DPYD: variants seen among roughly 807,000 people sequenced by gnomAD.
DPYD encodes dihydropyrimidine dehydrogenase [NADP(+)].
In DPYD, 109 loss-of-function variants were observed where a neutral mutation model predicts 116.2. The observed-to-expected ratio is 0.94, with a 90% CI of 0.80 to 1.10. DPYD has a LOEUF of 1.10. Ranked by LOEUF, DPYD falls within the 50% of genes least tolerant of loss-of-function variation. The pLI is 0.00. For missense variants in DPYD, 1,302 were observed against 1,254.5 expected, an observed-to-expected ratio of 1.04 and a Z score of -0.57; for synonymous variants, 440 against 432.0, an observed-to-expected ratio of 1.02 and a Z score of -0.23.
intron 19 of DPYD, among the ~76,000 whole-genome samples, chr1:97,213,745 C>T (rs1660194783): frequency 6.6e-6 from 1 of 152,138 alleles, no homozygotes; most frequent in Non-Finnish European, 1.5e-5. Context: ...AATTGTTTGA[C>T]CATAAGGACC....
chr1:97,525,340 T>C (rs1201118415), intron 12 of DPYD, among the ~76,000 whole-genome samples: 1 of 152,006 alleles, frequency 6.6e-6, no homozygotes, highest in Non-Finnish European at 1.5e-5. Flanking sequence ...ATACAAATTA[T>C]ATTGCAGTAT....
At chr1:97,314,625 A>G (rs1667709228) in intron 16 of DPYD, among the ~76,000 whole-genome samples, 1 of 151,200 alleles carries the variant, frequency 6.6e-6, no homozygotes, top group African/African-American at 2.4e-5. Flanking sequence ...CCTCTCCACC[A>G]GCTCACTTCT....
rs149550872 is a variant in DPYD, at chr1:97,660,301, C to T, written c.850+18794G>A. ...AATTTTGTAGGTTTCCTAGAATATC[C>T]ATTTGATAAATAATCACTAATTTCA... On this transcript the variant is annotated intron_variant, in intron 8 of 22. Coordinates refer to ENST00000370192, the MANE Select transcript of DPYD (RefSeq NM_000110.4). Among the ~76,000 whole-genome samples, 409 of 152,004 alleles carry T rather than the reference C, an allele frequency of 2.7e-3. 2 individuals carry two copies. The highest frequency in any genetic ancestry group is 9.4e-3 in the African/African-American group (389 of 41,470).
intron 1 of DPYD, among the ~76,000 whole-genome samples, chr1:97,893,562 G>A (rs1672891360): frequency 6.7e-6 from 1 of 149,306 alleles, no homozygotes; most frequent in Non-Finnish European, 1.5e-5. Context: ...TTCCTTCCCA[G>A]GAAGGGCATG....
At chr1:97,704,538 T>C (rs1488679109) in intron 5 of DPYD, among the ~76,000 whole-genome samples, 1 of 151,984 alleles carries the variant, frequency 6.6e-6, no homozygotes, top group African/African-American at 2.4e-5. Flanking sequence ...TTTTCAAAAA[T>C]AATATTTTTC....
intron 20 of DPYD, among the ~76,000 whole-genome samples, chr1:97,136,184 G>T (rs982072522): frequency 6.6e-6 from 1 of 152,090 alleles, no homozygotes; most frequent in African/African-American, 2.4e-5. Flanking sequence ...AATTTTAAAG[G>T]TTGGAAATCC....
intron 21 of DPYD, among the ~76,000 whole-genome samples, chr1:97,096,760 C>A (rs917573512): frequency 1.3e-5 from 2 of 152,180 alleles, no homozygotes; most frequent in Middle Eastern, 3.4e-3. Flanking sequence ...TGGGAGGGGA[C>A]AATAAGGGAA....
intron 1 of DPYD, among the ~76,000 whole-genome samples, chr1:97,890,884 C>A (rs952056045): frequency 2.0e-5 from 3 of 151,890 alleles, no homozygotes; most frequent in Non-Finnish European, 4.4e-5. Context: ...AATTTATTGG[C>A]TACTTATCAC....
intron 13 of DPYD, among the ~76,000 whole-genome samples, chr1:97,461,990 G>A (rs1218676025): frequency 6.6e-6 from 1 of 152,142 alleles, no homozygotes; most frequent in Non-Finnish European, 1.5e-5. Flanking sequence ...TCCTGTCTGT[G>A]TCCTCTCAAT....
chr1:97,252,858 T>C (rs1343848983), intron 18 of DPYD, among the ~76,000 whole-genome samples: 1 of 152,200 alleles, frequency 6.6e-6, no homozygotes, highest in Admixed American at 6.5e-5. Context: ...AGGTAGTAAC[T>C]GGTATGAAAA....
chr1:97,443,497 A>G (rs981849206), intron 14 of DPYD, among the ~76,000 whole-genome samples: 9 of 152,318 alleles, frequency 5.9e-5, no homozygotes, highest in African/African-American at 2.2e-4. Flanking sequence ...ATAAATCAGC[A>G]TGGGACTGTG....
intron 13 of DPYD, among the ~76,000 whole-genome samples, chr1:97,508,514 T>G (rs1647531880): frequency 6.6e-6 from 1 of 151,972 alleles, no homozygotes; most frequent in South Asian, 2.1e-4. Flanking sequence ...ATATAAAATT[T>G]CTGTGCAACT....
At chr1:97,311,086 G>C (rs1372194883) in intron 16 of DPYD, among the ~76,000 whole-genome samples, 1 of 151,704 alleles carries the variant, frequency 6.6e-6, no homozygotes, top group African/African-American at 2.4e-5. Context: ...AATTAGGCTG[G>C]AGGAGCAATT....
intron 11 of DPYD, among the ~76,000 whole-genome samples, chr1:97,552,787 A>C (rs1291005180): frequency 6.6e-6 from 1 of 152,072 alleles, no homozygotes; most frequent in East Asian, 1.9e-4. Context: ...AAATCATCTC[A>C]GTCTCCTTTT....
intron 20 of DPYD, among the ~76,000 whole-genome samples, chr1:97,144,954 G>A (rs993608291): frequency 6.6e-6 from 1 of 152,156 alleles, no homozygotes; most frequent in African/African-American, 2.4e-5. Flanking sequence ...GTGTGATGTG[G>A]AGAAAAGGAA....
At chr1:97,898,114 C>A (rs1490062793) in intron 1 of DPYD, among the ~76,000 whole-genome samples, 1 of 151,622 alleles carries the variant, frequency 6.6e-6, no homozygotes, top group East Asian at 1.9e-4. Flanking sequence ...TTCTGAATAC[C>A]CAATGTCGTA....
intron 14 of DPYD, among the ~76,000 whole-genome samples, chr1:97,421,034 T>C (rs1385981253): frequency 6.6e-6 from 1 of 152,184 alleles, no homozygotes; most frequent in African/African-American, 2.4e-5. Context: ...TATTCATTTC[T>C]CTCTTCAGTA....
chr1:97,628,625 T>C (rs562322518), intron 8 of DPYD, among the ~76,000 whole-genome samples: 25 of 150,012 alleles, frequency 1.7e-4, no homozygotes, highest in Non-Finnish European at 3.2e-4. Context: ...ATATTACCTC[T>C]TAATTTTTAT....
At chr1:97,099,973 C>T (rs1468780271) in intron 20 of DPYD, among the ~76,000 whole-genome samples, 1 of 151,996 alleles carries the variant, frequency 6.6e-6, no homozygotes, top group African/African-American at 2.4e-5. Context: ...ATTATGTCAA[C>T]AAGTCAAGTA....
Sources: allele counts gnomAD v4.1 joint callset (sites outside exome capture counted in the v4.1 genomes callset), GRCh38; gene constraint gnomAD v4.1.1; transcripts MANE v1.5; gene names NCBI Gene and HGNC (gene_info 2026-07-23, HGNC 2026-07-21).